RIC1: variants seen among roughly 807,000 people sequenced by gnomAD.
RIC1 encodes guanine nucleotide exchange factor subunit RIC1.
In RIC1, 88 loss-of-function variants were observed where a neutral mutation model predicts 169.0. The ratio of observed to expected loss-of-function variants is 0.52; its 90% CI spans 0.44 to 0.62. RIC1 has a LOEUF of 0.62. RIC1 is among the 20% of genes least tolerant of loss of function. The probability of loss-of-function intolerance (pLI) is 0.00; values close to 1 mark genes in which losing one functional copy is unlikely to be tolerated. For missense variants in RIC1, 1,877 were observed against 1,725.5 expected, an observed-to-expected ratio of 1.09 and a Z score of -1.56; for synonymous variants, 790 against 601.5, an observed-to-expected ratio of 1.31 and a Z score of -4.59.
intron 3 of RIC1, among the ~76,000 whole-genome samples, chr9:5,707,402 AG>A (rs1421575125): frequency 1.3e-5 from 2 of 152,104 alleles, no homozygotes; most frequent in African/African-American, 4.8e-5. Context: ...TGGTTTATAT[AG>A]TGTTATTTAA....
At chr9:5,657,382 G>A (rs1819163666) in intron 2 of RIC1, among the ~76,000 whole-genome samples, 1 of 151,908 alleles carries the variant, frequency 6.6e-6, no homozygotes, top group African/African-American at 2.4e-5. Flanking sequence ...TAATATATGT[G>A]GTTAATTAAC....
chr9:5,639,575 A>G (rs887509479), intron 1 of RIC1, among the ~76,000 whole-genome samples: 1 of 152,182 alleles, frequency 6.6e-6, no homozygotes, highest in African/African-American at 2.4e-5. Flanking sequence ...TTTGGATGAA[A>G]TGTTCTATAA....
intron 1 of RIC1, 78 bp from the exon 2 acceptor site, chr9:5,656,503 CTG>C (rs1819106468): frequency 1.6e-6 from 1 of 606,246 alleles, no homozygotes; most frequent in Non-Finnish European, 2.8e-6. Context: ...TTTGAATACT[CTG>C]TTATCTTAAA....
chr9:5,754,234 T>C (rs1016860708), intron 14 of RIC1, among the ~76,000 whole-genome samples: 2 of 152,218 alleles, frequency 1.3e-5, no homozygotes, highest in African/African-American at 4.8e-5. Flanking sequence ...ATTCAGTTAC[T>C]CATCTGATAA....
chr9:5,761,062 C>G (rs1586705879), intron 17 of RIC1, among the ~76,000 whole-genome samples: 1 of 150,174 alleles, frequency 6.7e-6, no homozygotes, highest in East Asian at 1.9e-4. Context: ...GCTAGTGTGC[C>G]TGAGAAACAT....
intron 1 of RIC1, among the ~76,000 whole-genome samples, chr9:5,642,781 T>C (rs1473039680): frequency 6.6e-6 from 1 of 151,666 alleles, no homozygotes; most frequent in African/African-American, 2.4e-5. Context: ...TTATTTGGAG[T>C]TTACTGTGGA....
intron 1 of RIC1, among the ~76,000 whole-genome samples, chr9:5,652,974 C>A (rs1227425563): frequency 1.3e-5 from 2 of 151,982 alleles, no homozygotes; most frequent in Non-Finnish European, 2.9e-5. Context: ...GGGTTTTTGC[C>A]TTTTATTCTG....
At chr9:5,701,868 CTG>C (rs1229175377) in intron 3 of RIC1, among the ~76,000 whole-genome samples, 6 of 152,112 alleles carry the variant, frequency 3.9e-5, no homozygotes, top group Non-Finnish European at 8.8e-5. Flanking sequence ...AAAGGAGTAA[CTG>C]TTAACATTTA....
chr9:5,633,398 C>G (rs1426988870), intron 1 of RIC1, among the ~76,000 whole-genome samples: 1 of 152,130 alleles, frequency 6.6e-6, no homozygotes, highest in South Asian at 2.1e-4. Context: ...GGAGTTCAAA[C>G]TCCTTAGTTT....
chr9:5,632,089 A>G (rs1364224502), intron 1 of RIC1, among the ~76,000 whole-genome samples: 3 of 152,232 alleles, frequency 2.0e-5, no homozygotes, highest in African/African-American at 7.2e-5. Context: ...GAAGTCTTAC[A>G]GCTGCTTGAG....
intron 14 of RIC1, 93 bp from the exon 15 acceptor site, chr9:5,754,748 A>T (rs1825905016): frequency 2.8e-6 from 2 of 711,388 alleles, no homozygotes; most frequent in Non-Finnish European, 4.4e-6. Context: ...TAATAATTTG[A>T]GCTTTGTCTG....
intron 9 of RIC1, 54 bp from the exon 10 acceptor site, chr9:5,743,635 T>C: frequency 7.6e-7 from 1 of 1,319,142 alleles, no homozygotes; most frequent in Non-Finnish European, 1.1e-6. Context: ...AAATTTTATG[T>C]GTATTATATG....
chr9:5,649,472 T>C (rs769871301), intron 1 of RIC1, among the ~76,000 whole-genome samples: 25 of 152,202 alleles, frequency 1.6e-4, no homozygotes, highest in Non-Finnish European at 2.9e-4. Context: ...GCTGAAGCAC[T>C]TGAATGTATT....
At chr9:5,650,737 C>T (rs528217283) in intron 1 of RIC1, among the ~76,000 whole-genome samples, 10 of 152,182 alleles carry the variant, frequency 6.6e-5, no homozygotes, top group South Asian at 2.1e-4. Flanking sequence ...CAGAAGTGTA[C>T]GCTTTGGCTC....
intron 1 of RIC1, among the ~76,000 whole-genome samples, chr9:5,636,260 T>C (rs1248420167): frequency 6.6e-6 from 1 of 152,186 alleles, no homozygotes; most frequent in Non-Finnish European, 1.5e-5. Context: ...TTAGTGGCGG[T>C]TAAATGTATT....
At chr9:5,758,223 G>T (rs560438540) in intron 17 of RIC1, among the ~76,000 whole-genome samples, 2 of 152,280 alleles carry the variant, frequency 1.3e-5, no homozygotes, top group East Asian at 3.9e-4. Context: ...TCTGGGTAAA[G>T]TAACAGGGTA....
chr9:5,709,151 AT>A (rs1436910653), intron 3 of RIC1, among the ~76,000 whole-genome samples: 1 of 151,878 alleles, frequency 6.6e-6, no homozygotes, highest in Non-Finnish European at 1.5e-5. Context: ...AATGACACAA[AT>A]CACTTCCCCT....
chr9:5,681,371 C>G (rs1374060905), intron 2 of RIC1, among the ~76,000 whole-genome samples: 1 of 152,076 alleles, frequency 6.6e-6, no homozygotes, highest in Non-Finnish European at 1.5e-5. Flanking sequence ...TGTCTTTGTT[C>G]TCGTTGGTTT....
chr9:5,772,830 C>T (rs1007355586), intron 24 of RIC1, 62 bp from the exon 25 acceptor site: 7 of 1,549,922 alleles, frequency 4.5e-6, no homozygotes, highest in Admixed American at 1.8e-5. Context: ...ATAATCATTG[C>T]ACTTCTGTAC....
Sources: allele counts gnomAD v4.1 joint callset (sites outside exome capture counted in the v4.1 genomes callset), GRCh38; gene constraint gnomAD v4.1.1; transcripts MANE v1.5; gene names NCBI Gene and HGNC (gene_info 2026-07-23, HGNC 2026-07-21).